The following SIPA1L2 variants were observed in gnomAD, a reference collection of about 807,000 sequenced individuals.
SIPA1L2 encodes signal induced proliferation associated 1 like 2.
A neutral mutation model predicts 163.9 loss-of-function variants in SIPA1L2; 56 were observed. The observed-to-expected ratio is 0.34, with a 90% CI of 0.28 to 0.43. SIPA1L2 has a LOEUF of 0.43. Among genes scored for constraint, SIPA1L2 ranks in the 20% least tolerant of loss-of-function variants. The probability of loss-of-function intolerance (pLI) is 1.00; values close to 1 mark genes in which losing one functional copy is unlikely to be tolerated. For synonymous variants in SIPA1L2, 877 were observed against 865.7 expected (o/e 1.01, Z -0.23); for missense variants, 1,974 against 2,193.5 (o/e 0.90, Z 2.00).
intron 15 of SIPA1L2, among the ~76,000 whole-genome samples, chr1:232,438,700 C>T (rs530100357): frequency 1.3e-5 from 2 of 152,236 alleles, no homozygotes; most frequent in Non-Finnish European, 2.9e-5. Context: ...CATGCCCTCA[C>T]GGCAGGGAGC....
intron 19 of SIPA1L2, among the ~76,000 whole-genome samples, chr1:232,409,281 C>A (rs1660815483): frequency 6.6e-6 from 1 of 152,214 alleles, no homozygotes; most frequent in Admixed American, 6.5e-5. Context: ...TCTAGTCTTA[C>A]ATATTAAGAC....
At chr1:232,414,867 C>A (rs1403930167) in intron 19 of SIPA1L2, among the ~76,000 whole-genome samples, 3 of 152,176 alleles carry the variant, frequency 2.0e-5, no homozygotes, top group Non-Finnish European at 4.4e-5. Flanking sequence ...CCTTTATCTG[C>A]GAGCTGGACA....
chr1:232,574,912 A>G (rs1355688892), intron 1 of SIPA1L2, among the ~76,000 whole-genome samples: 2 of 152,242 alleles, frequency 1.3e-5, no homozygotes, highest in Non-Finnish European at 2.9e-5. Flanking sequence ...TTAAAAGAAA[A>G]AAACAATTGG....
At chr1:232,530,507 A>G (rs541588425) in intron 2 of SIPA1L2, among the ~76,000 whole-genome samples, 1 of 152,328 alleles carries the variant, frequency 6.6e-6, no homozygotes, top group South Asian at 2.1e-4. Context: ...ATAAAAGCGT[A>G]GTACAACTAG....
intron 3 of SIPA1L2, among the ~76,000 whole-genome samples, chr1:232,494,539 G>A (rs1289607657): frequency 6.6e-6 from 1 of 152,160 alleles, no homozygotes; most frequent in Non-Finnish European, 1.5e-5. Flanking sequence ...ACTCTATTCT[G>A]AACCCTTCAA....
intron 2 of SIPA1L2, among the ~76,000 whole-genome samples, chr1:232,519,013 C>T (rs1667335617): frequency 6.6e-6 from 1 of 151,924 alleles, no homozygotes; most frequent in South Asian, 2.1e-4. Context: ...TAGAAAATCA[C>T]TCATTATAAA....
chr1:232,440,028 A>G (rs900972615), intron 14 of SIPA1L2, among the ~76,000 whole-genome samples: 5 of 152,182 alleles, frequency 3.3e-5, no homozygotes, highest in Non-Finnish European at 7.3e-5. Context: ...TATATGCAGA[A>G]CCACTTGGCT....
chr1:232,582,125 T>C (rs1660410525), intron 1 of SIPA1L2, among the ~76,000 whole-genome samples: 1 of 152,226 alleles, frequency 6.6e-6, no homozygotes, highest in Non-Finnish European at 1.5e-5. Flanking sequence ...GAAACATTTG[T>C]TGATGATGAT....
chr1:232,513,019 T>C (rs1667051682), intron 3 of SIPA1L2, among the ~76,000 whole-genome samples: 1 of 152,146 alleles, frequency 6.6e-6, no homozygotes, highest in Non-Finnish European at 1.5e-5. Flanking sequence ...AAAAGTAAGC[T>C]GCACTATAAT....
At chr1:232,629,425 C>T (rs544996581) in intron 1 of SIPA1L2, among the ~76,000 whole-genome samples, 1 of 152,214 alleles carries the variant, frequency 6.6e-6, no homozygotes, top group African/African-American at 2.4e-5. Flanking sequence ...GCGCTCCGGG[C>T]GCACCCCCTC....
chr1:232,538,230 A>G (rs1319985176), intron 2 of SIPA1L2, among the ~76,000 whole-genome samples: 1 of 152,206 alleles, frequency 6.6e-6, no homozygotes, highest in Non-Finnish European at 1.5e-5. Flanking sequence ...CACCTAGCTC[A>G]GCAGGCCATG....
chr1:232,532,965 T>C (rs1340583349), intron 2 of SIPA1L2, among the ~76,000 whole-genome samples: 1 of 152,178 alleles, frequency 6.6e-6, no homozygotes, highest in Non-Finnish European at 1.5e-5. Flanking sequence ...TGTGGTACAA[T>C]GCTCCATAAT....
At chr1:232,464,532 A>C (rs1334918724) in intron 9 of SIPA1L2, among the ~76,000 whole-genome samples, 1 of 152,200 alleles carries the variant, frequency 6.6e-6, no homozygotes, top group Non-Finnish European at 1.5e-5. Flanking sequence ...AGCCTCCATA[A>C]ACAGACATTC....
intron 1 of SIPA1L2, among the ~76,000 whole-genome samples, chr1:232,581,015 A>T (rs958344154): frequency 7.2e-5 from 11 of 152,132 alleles, no homozygotes; most frequent in Admixed American, 6.6e-4. Context: ...AACATGCAGA[A>T]GATGGAGTCT....
At chr1:232,503,166 A>C (rs1448762727) in intron 3 of SIPA1L2, among the ~76,000 whole-genome samples, 4 of 152,218 alleles carry the variant, frequency 2.6e-5, no homozygotes, top group African/African-American at 9.7e-5. Flanking sequence ...AGAAGGTATG[A>C]AAAGACTGTT....
intron 1 of SIPA1L2, among the ~76,000 whole-genome samples, chr1:232,620,671 C>G (rs1431668441): frequency 5.3e-5 from 8 of 152,238 alleles, no homozygotes; most frequent in Non-Finnish European, 5.9e-5. Flanking sequence ...GCAGTCAGAG[C>G]AAAGTAGTTA....
intron 19 of SIPA1L2, among the ~76,000 whole-genome samples, chr1:232,412,451 T>C (rs1661013352): frequency 6.6e-6 from 1 of 152,204 alleles, no homozygotes; most frequent in Non-Finnish European, 1.5e-5. Context: ...AACAAGTACA[T>C]GGACATGTTT....
intron 2 of SIPA1L2, among the ~76,000 whole-genome samples, chr1:232,564,705 TG>T (rs1047823027): frequency 6.6e-5 from 10 of 152,226 alleles, no homozygotes. Context: ...ATTCTTACTC[TG>T]GGTTTTTATT....
chr1:232,598,916 C>T (rs1661427824), intron 1 of SIPA1L2, among the ~76,000 whole-genome samples: 1 of 151,096 alleles, frequency 6.6e-6, no homozygotes, highest in Non-Finnish European at 1.5e-5. Flanking sequence ...TGCAGCTCAA[C>T]TCCAGTGAAA....
Sources: allele counts gnomAD v4.1 joint callset (sites outside exome capture counted in the v4.1 genomes callset), GRCh38; gene constraint gnomAD v4.1.1; transcripts MANE v1.5; gene names NCBI Gene and HGNC (gene_info 2026-07-23, HGNC 2026-07-21).